Variants in ANKFY1 observed in about 807,000 individuals in gnomAD.
The protein encoded by ANKFY1 is ankyrin repeat and FYVE domain containing 1.
A neutral mutation model predicts 128.3 loss-of-function variants in ANKFY1; 47 were observed. That is an observed-to-expected ratio of 0.37 (90% CI 0.29 to 0.47). The LOEUF is 0.47. Among genes scored for constraint, ANKFY1 ranks in the 20% least tolerant of loss-of-function variants. The probability of loss-of-function intolerance (pLI) is 1.00; values close to 1 mark genes in which losing one functional copy is unlikely to be tolerated. For missense variants in ANKFY1, 1,222 were observed against 1,510.6 expected, an observed-to-expected ratio of 0.81 and a Z score of 3.17; for synonymous variants, 553 against 601.6, an observed-to-expected ratio of 0.92 and a Z score of 1.18.
intron 17 of ANKFY1, chr17:4,179,328 T>C: frequency 1.8e-6 from 1 of 553,360 alleles, no homozygotes; most frequent in Non-Finnish European, 3.2e-6. Flanking sequence ...CCACCACTCC[T>C]TATCTGGCTA....
intron 22 of ANKFY1, among the ~76,000 whole-genome samples, chr17:4,172,035 TC>T (rs1886331355): frequency 6.6e-6 from 1 of 151,770 alleles, no homozygotes. Context: ...AACGCGAGAG[TC>T]ACCGGAAAAG....
intron 7 of ANKFY1, among the ~76,000 whole-genome samples, chr17:4,203,132 G>A (rs1274582511): frequency 6.6e-6 from 1 of 152,060 alleles, no homozygotes; most frequent in East Asian, 1.9e-4. Context: ...AACAAAGGGA[G>A]GGAACAGAAA....
chr17:4,263,887 C>A (rs1280251075), intron 1 of ANKFY1, 45 bp downstream of exon 1: 2 of 1,613,434 alleles, frequency 1.2e-6, no homozygotes, highest in Non-Finnish European at 1.7e-6. Flanking sequence ...AGCAGCGCCC[C>A]CACAGCTCCG....
chr17:4,255,035 T>C (rs1169495983), intron 1 of ANKFY1, among the ~76,000 whole-genome samples: 1 of 152,084 alleles, frequency 6.6e-6, no homozygotes, highest in Non-Finnish European at 1.5e-5. Flanking sequence ...ACACCAAGAT[T>C]AGTCATTAAT....
intron 3 of ANKFY1, among the ~76,000 whole-genome samples, chr17:4,224,957 T>TTTA (rs1555634606): frequency 6.7e-6 from 1 of 149,956 alleles, no homozygotes; most frequent in African/African-American, 2.4e-5. Context: ...TTTTTTTTTT[T>TTTA]AAATAAACTG....
chr17:4,201,856 AG>A (rs1015195017), intron 7 of ANKFY1, among the ~76,000 whole-genome samples: 1 of 152,174 alleles, frequency 6.6e-6, no homozygotes, highest in African/African-American at 2.4e-5. Flanking sequence ...ATATACGCAG[AG>A]GGTCCTACTC....
intron 1 of ANKFY1, among the ~76,000 whole-genome samples, chr17:4,247,222 C>T (rs1967590466): frequency 6.6e-6 from 1 of 152,152 alleles, no homozygotes; most frequent in Non-Finnish European, 1.5e-5. Context: ...TCTGTTTCAG[C>T]CATCTTCCCC....
chr17:4,192,766 T>C (rs192085906), intron 10 of ANKFY1, among the ~76,000 whole-genome samples: 6 of 152,336 alleles, frequency 3.9e-5, no homozygotes, highest in Admixed American at 3.3e-4. Context: ...AGTGGACGAA[T>C]TGGCTGGTCC....
At chr17:4,220,067 C>T (rs1395276662) in intron 3 of ANKFY1, among the ~76,000 whole-genome samples, 1 of 152,172 alleles carries the variant, frequency 6.6e-6, no homozygotes, top group Admixed American at 6.5e-5. Flanking sequence ...TCAGGTGATC[C>T]ACCTGCTTCG....
intron 7 of ANKFY1, 108 bp from the exon 8 acceptor site, chr17:4,197,685 A>T: frequency 2.0e-6 from 2 of 1,016,716 alleles, no homozygotes; most frequent in South Asian, 2.8e-5. Flanking sequence ...CGATAACTAG[A>T]TGTGTCTGAA....
intron 3 of ANKFY1, 126 bp downstream of exon 3, chr17:4,235,646 T>A (rs1053194227): frequency 1.8e-5 from 13 of 705,674 alleles, no homozygotes; most frequent in Non-Finnish European, 3.3e-5. Context: ...TAGTTCATGG[T>A]TGCCATCAAT....
At chr17:4,223,232 C>T (rs963914437) in intron 3 of ANKFY1, 26 of 797,624 alleles carry the variant, frequency 3.3e-5, no homozygotes, top group Middle Eastern at 2.7e-4. Context: ...TGGGTGTATA[C>T]GAGAAAAGCC....
intron 1 of ANKFY1, among the ~76,000 whole-genome samples, chr17:4,254,303 CAAAAAAAAA>C (rs572606909): frequency 2.4e-5 from 2 of 81,954 alleles, no homozygotes; most frequent in African/African-American, 1.3e-4. Flanking sequence ...GACTCCATCT[CAAAAAAAAA>C]AAAAAAAAAA....
In ANKFY1 at chr17:4,189,311, C is replaced by T; in HGVS notation, c.1470+71G>A. 3.8e-6 allele frequency: 5 copies of T among 1,330,848 alleles called. No homozygotes were observed. The Admixed American group carries it at 9.1e-5, about 24-fold the overall frequency. The allele number at this position is 1,330,848 out of a possible 1,614,324, so 82.4% of individuals were successfully genotyped here. On this transcript the variant is annotated intron_variant, in intron 11 of 24. Transcript: ENST00000341657. The stretch of plus-strand genomic sequence containing the variant: ...AAAAAAACCACCTATTCCCCTTTTT[C>T]CTACATATCCACCACTGCCATTTCT...
rs527745603 is a variant in ANKFY1 at position 4,178,935 on chromosome 17, C to T, written c.2520G>A (p.Pro840=). 152 of 1,614,054 alleles carry T rather than the reference C, an allele frequency of 9.4e-5. No individual in the cohort carries two copies. The highest frequency in any genetic ancestry group is 1.2e-4 in the Non-Finnish European group (139 of 1,180,042). Residue 840 remains proline (P), a synonymous_variant, in exon 18 of 25, where the codon CCG becomes CCA. Transcript: ENST00000341657. This position sits in a 1 kb window ranked among gnomAD's most constrained non-coding sequence, Gnocchi z 4.1. ...LNVRDRQGLT[P]FACAMTFKNN... ...TCTTGAAAGTCATGGCACAGGCAAA[C>T]GGGGTCAGCCCTTGTCTGTCTCGTA...
In ANKFY1 at chr17:4,181,219, A is replaced by G. The variant is rs202032245; in HGVS notation, c.2240+35T>C. ...AGAGCCAGTTTGCAACAAGCTCACT[A>G]AAAAGCTGTGGAGAGATACTGGGGA... is the stretch of plus-strand genomic sequence containing the variant. On this transcript the variant is annotated intron_variant, in intron 16 of 24. Transcript: ENST00000341657. This position sits in a 1 kb window ranked among gnomAD's most constrained non-coding sequence, Gnocchi z 4.9. The G allele has an allele frequency of 1.2e-3, 1,928 of 1,557,190 alleles. 2 individuals carry two copies. Among genetic ancestry groups the G allele is most frequent in the African/African-American group, 3.9e-3 (288 of 73,744 alleles).
intron 3 of ANKFY1, among the ~76,000 whole-genome samples, chr17:4,233,545 A>G (rs2060550286): frequency 6.6e-6 from 1 of 152,234 alleles, no homozygotes; most frequent in South Asian, 2.1e-4. Context: ...GTTAAATCCT[A>G]GAAATTATCA....
intron 2 of ANKFY1, among the ~76,000 whole-genome samples, chr17:4,239,257 G>C (rs1285833844): frequency 6.6e-6 from 1 of 152,110 alleles, no homozygotes; most frequent in East Asian, 1.9e-4. Flanking sequence ...CATTCTAATG[G>C]GAAAGAGCCT....
At chr17:4,193,503 C>G (rs1213791069) in intron 10 of ANKFY1, among the ~76,000 whole-genome samples, 6 of 147,230 alleles carry the variant, frequency 4.1e-5, no homozygotes, top group African/African-American at 1.5e-4. Flanking sequence ...TCTTGGCTCA[C>G]TGCAACCTCC....
Sources: allele counts gnomAD v4.1 joint callset (sites outside exome capture counted in the v4.1 genomes callset), GRCh38; gene constraint gnomAD v4.1.1; non-coding constraint Gnocchi (gnomAD v3.1); transcripts MANE v1.5; gene names NCBI Gene and HGNC (gene_info 2026-07-23, HGNC 2026-07-21).